LRRC37A2: variants seen among roughly 807,000 people sequenced by gnomAD.
LRRC37A2 encodes leucine rich repeat containing 37 member A2, also known as leucine-rich repeat-containing protein 37A2.
A neutral mutation model predicts 68.8 loss-of-function variants in LRRC37A2; 9 were observed. That is an observed-to-expected ratio of 0.13 (90% CI 0.08 to 0.23). The LOEUF (loss-of-function observed/expected upper bound fraction) is 0.23. LRRC37A2 is among the 10% of genes least tolerant of loss of function. The pLI is 1.00. For missense variants in LRRC37A2, 168 were observed against 950.4 expected (o/e 0.18, Z 10.82); for synonymous variants, 63 against 367.6 (o/e 0.17, Z 9.48).
chr17:47,004,081 T>C, the LRRC37A2 span, among the ~76,000 whole-genome samples: 7 of 152,250 alleles, frequency 4.6e-5, no homozygotes. Context: ...TAGTATTCCA[T>C]GGCGTATATG....
At chr17:46,502,300 T>C in the LRRC37A2 span, among the ~76,000 whole-genome samples, 1 of 151,138 alleles carries the variant, frequency 6.6e-6, no homozygotes, top group Non-Finnish European at 1.5e-5. Context: ...TTATCTAGTT[T>C]AAGGGTCCTT....
chr17:46,867,937 C>T, the LRRC37A2 span, among the ~76,000 whole-genome samples: 1 of 151,964 alleles, frequency 6.6e-6, no homozygotes, highest in Non-Finnish European at 1.5e-5. Flanking sequence ...CCACCAAGGA[C>T]CATGGGGTGA....
At chr17:46,835,654 G>A in the LRRC37A2 span, among the ~76,000 whole-genome samples, 1 of 152,214 alleles carries the variant, frequency 6.6e-6, no homozygotes, top group Admixed American at 6.5e-5. Context: ...ACCTACAGTG[G>A]CCCTCAGCAG....
the LRRC37A2 span, among the ~76,000 whole-genome samples, chr17:46,589,455 C>T: frequency 8.6e-6 from 1 of 116,296 alleles, no homozygotes; most frequent in Non-Finnish European, 1.6e-5. Flanking sequence ...CCACCTCAGC[C>T]TCCTGAGTAG....
chr17:46,967,985 C>G, the LRRC37A2 span, among the ~76,000 whole-genome samples: 67,626 of 151,978 alleles, frequency 0.44, 15,297 homozygotes, highest in South Asian at 0.52. Flanking sequence ...GGGTTTCCTG[C>G]TAGGTGGCTG....
chr17:46,978,368 C>T, the LRRC37A2 span: 1 of 451,396 alleles, frequency 2.2e-6, no homozygotes, highest in African/African-American at 2.2e-5. Flanking sequence ...CCACCCTGCC[C>T]CGAACGTCTT....
the LRRC37A2 span, among the ~76,000 whole-genome samples, chr17:46,953,084 A>G: frequency 6.6e-6 from 1 of 152,032 alleles, no homozygotes; most frequent in African/African-American, 2.4e-5. Flanking sequence ...TTTAGGGTAC[A>G]TGTACACAAT....
At chr17:46,763,831 C>CAAAAAAAAAAAAAAAAAAAAA in the LRRC37A2 span, 2 of 123,700 alleles carry the variant, frequency 1.6e-5, no homozygotes, top group South Asian at 2.6e-4. Context: ...CCACTACCAC[C>CAAAAAAAAAAAAAAAAAAAAA]AAAAAAAAAA....
chr17:46,966,503 A>C, the LRRC37A2 span: 1 of 684,156 alleles, frequency 1.5e-6, no homozygotes, highest in Non-Finnish European at 2.7e-6. Flanking sequence ...GCACCCCACC[A>C]CACCCGATTA....
chr17:46,733,904 AG>A, the LRRC37A2 span, among the ~76,000 whole-genome samples: 2 of 152,232 alleles, frequency 1.3e-5, no homozygotes, highest in Non-Finnish European at 2.9e-5. Flanking sequence ...TCTGACACCT[AG>A]GAATATTACC....
chr17:46,949,110 C>T, the LRRC37A2 span: 5 of 152,240 alleles, frequency 3.3e-5, no homozygotes, highest in African/African-American at 1.2e-4. Flanking sequence ...AGCATAAGAA[C>T]TGGGGACCAG....
At chr17:46,794,575 G>A in the LRRC37A2 span, among the ~76,000 whole-genome samples, 8 of 152,190 alleles carry the variant, frequency 5.3e-5, no homozygotes, top group East Asian at 1.5e-3. Context: ...CTGTACCACC[G>A]TGGAGAGGAT....
the LRRC37A2 span, among the ~76,000 whole-genome samples, chr17:46,779,103 A>ACACACACACACACACACACACACCCC: frequency 5.2e-5 from 7 of 133,658 alleles, no homozygotes; most frequent in African/African-American, 1.6e-4. Flanking sequence ...ACACACACAC[A>ACACACACACACACACACACACACCCC]CCCCAGCCCA....
chr17:46,737,585 G>T, the LRRC37A2 span, among the ~76,000 whole-genome samples: 1 of 151,290 alleles, frequency 6.6e-6, no homozygotes, highest in African/African-American at 2.4e-5. Context: ...GTGTGTGTGT[G>T]TGTGTGTGTG....
chr17:46,545,200 G>C (rs1211877181), intron 8 of LRRC37A2, among the ~76,000 whole-genome samples: 23 of 136,170 alleles, frequency 1.7e-4, no homozygotes, highest in Non-Finnish European at 3.5e-4. Flanking sequence ...GGAAGGCCGA[G>C]GTGGGAGGAT....
the LRRC37A2 span, among the ~76,000 whole-genome samples, chr17:46,957,306 A>C: frequency 6.6e-6 from 1 of 152,104 alleles, no homozygotes; most frequent in East Asian, 1.9e-4. Context: ...CCCTGCCTCA[A>C]AAAGAAAACA....
the LRRC37A2 span, among the ~76,000 whole-genome samples, chr17:46,497,866 A>G: frequency 2.7e-5 from 4 of 149,132 alleles, no homozygotes; most frequent in Non-Finnish European, 4.4e-5. Flanking sequence ...CTTACATGTG[A>G]TAGTCCTCAG....
chr17:46,805,628 G>A, the LRRC37A2 span, among the ~76,000 whole-genome samples: 1 of 152,122 alleles, frequency 6.6e-6, no homozygotes, highest in Non-Finnish European at 1.5e-5. Context: ...GTGCTTGCCT[G>A]TAGTCTTAGT....
the LRRC37A2 span, chr17:46,940,436 C>T: frequency 4.4e-6 from 7 of 1,603,074 alleles, no homozygotes; most frequent in Non-Finnish European, 5.9e-6. Flanking sequence ...TCTGGGGAGG[C>T]ACATTGACAT....
Sources: allele counts gnomAD v4.1 joint callset (sites outside exome capture counted in the v4.1 genomes callset), GRCh38; gene constraint gnomAD v4.1.1; transcripts MANE v1.5; gene names NCBI Gene and HGNC (gene_info 2026-07-23, HGNC 2026-07-21).